Variants in HEMK2 observed in about 807,000 individuals in gnomAD.
HEMK2 encodes HemK methyltransferase 2, ETF1 glutamine and histone H4 lysine.
At chr21:28,876,407 A>G in the HEMK2 span, 23 of 1,610,794 alleles carry the variant, frequency 1.4e-5, no homozygotes, top group Non-Finnish European at 2.0e-5. Flanking sequence ...GAACTTGAGG[A>G]CTGAAAGAGT....
the HEMK2 span, among the ~76,000 whole-genome samples, chr21:28,733,007 T>C: frequency 6.6e-6 from 1 of 152,112 alleles, no homozygotes; most frequent in African/African-American, 2.4e-5. Flanking sequence ...TGACCAGGCG[T>C]GGTGGCTCAT....
the HEMK2 span, among the ~76,000 whole-genome samples, chr21:28,796,745 A>C: frequency 2.0e-5 from 3 of 151,734 alleles, no homozygotes; most frequent in Non-Finnish European, 2.9e-5. Context: ...TTATTAATTT[A>C]TTTTGTAGAA....
chr21:28,643,043 C>A, the HEMK2 span, among the ~76,000 whole-genome samples: 13 of 152,104 alleles, frequency 8.5e-5, no homozygotes, highest in African/African-American at 3.1e-4. Flanking sequence ...AAGCTTGGGC[C>A]TTGGCAGTGG....
At chr21:28,839,761 A>G in the HEMK2 span, among the ~76,000 whole-genome samples, 3 of 152,244 alleles carry the variant, frequency 2.0e-5, no homozygotes, top group Non-Finnish European at 4.4e-5. Context: ...ATGGATAGGC[A>G]GAATCAATAT....
chr21:28,874,721 C>A, the HEMK2 span: 1 of 152,228 alleles, frequency 6.6e-6, no homozygotes, highest in African/African-American at 2.4e-5. Flanking sequence ...AATATCTTCA[C>A]CCTTTTTGCC....
the HEMK2 span, among the ~76,000 whole-genome samples, chr21:28,633,879 A>G: frequency 6.6e-6 from 1 of 152,202 alleles, no homozygotes; most frequent in East Asian, 1.9e-4. Context: ...TCTCCACACC[A>G]GGAAAACGTT....
chr21:28,754,677 G>A, the HEMK2 span, among the ~76,000 whole-genome samples: 1 of 152,004 alleles, frequency 6.6e-6, no homozygotes, highest in Admixed American at 6.6e-5. Flanking sequence ...TGTAAACCAT[G>A]TAAGGCAATG....
chr21:28,743,739 A>G, the HEMK2 span, among the ~76,000 whole-genome samples: 1 of 152,186 alleles, frequency 6.6e-6, no homozygotes, highest in South Asian at 2.1e-4. Context: ...GAAGATGGTG[A>G]AAGTTGGATG....
At chr21:28,626,742 G>A in the HEMK2 span, 2 of 151,732 alleles carry the variant, frequency 1.3e-5, no homozygotes, top group African/African-American at 4.8e-5. Flanking sequence ...TTGAACAAGC[G>A]AAAAAAGAAA....
chr21:28,881,253 T>C, the HEMK2 span, among the ~76,000 whole-genome samples: 1 of 152,200 alleles, frequency 6.6e-6, no homozygotes, highest in Non-Finnish European at 1.5e-5. Flanking sequence ...CTACCTCCCA[T>C]CATTCTCAAT....
At chr21:28,729,253 C>T in the HEMK2 span, among the ~76,000 whole-genome samples, 8 of 152,186 alleles carry the variant, frequency 5.3e-5, no homozygotes, top group East Asian at 5.8e-4. Flanking sequence ...ATTCCTCCTA[C>T]GCTGGCTTTG....
At chr21:28,741,982 AAGAG>A in the HEMK2 span, among the ~76,000 whole-genome samples, 27 of 152,316 alleles carry the variant, frequency 1.8e-4, no homozygotes, top group Admixed American at 6.5e-4. Flanking sequence ...GAATCACCAC[AAGAG>A]AGAGCCTTCT....
chr21:28,864,872 T>TAGATG, the HEMK2 span, among the ~76,000 whole-genome samples: 1 of 76,340 alleles, frequency 1.3e-5, no homozygotes, highest in East Asian at 2.4e-4. Context: ...GATAGATGGA[T>TAGATG]GATAGGTAGA....
At chr21:28,826,695 G>A in the HEMK2 span, among the ~76,000 whole-genome samples, 7 of 152,254 alleles carry the variant, frequency 4.6e-5, no homozygotes, top group East Asian at 5.8e-4. Context: ...CACAAAATCC[G>A]AAAGCAAACA....
At chr21:28,737,615 G>T in the HEMK2 span, among the ~76,000 whole-genome samples, 812 of 151,464 alleles carry the variant, frequency 5.4e-3, 8 homozygotes, top group African/African-American at 0.019. Context: ...AAGAAGAAAA[G>T]ATGAGCTGCT....
the HEMK2 span, among the ~76,000 whole-genome samples, chr21:28,784,055 C>T: frequency 4.6e-5 from 7 of 152,212 alleles, no homozygotes; most frequent in Admixed American, 2.6e-4. Context: ...CGGTGGGCTC[C>T]TGTGTGGCCT....
At chr21:28,878,246 G>A in the HEMK2 span, 2 of 1,605,536 alleles carry the variant, frequency 1.2e-6, no homozygotes, top group Non-Finnish European at 1.7e-6. Flanking sequence ...GGTGAAAGGA[G>A]ATCTGGAACC....
At chr21:28,768,541 A>T in the HEMK2 span, among the ~76,000 whole-genome samples, 1 of 151,980 alleles carries the variant, frequency 6.6e-6, no homozygotes, top group African/African-American at 2.4e-5. Flanking sequence ...CTCAACTTTC[A>T]TCCAAGAAGT....
the HEMK2 span, among the ~76,000 whole-genome samples, chr21:28,775,800 G>C: frequency 3.9e-5 from 6 of 152,120 alleles, no homozygotes; most frequent in Admixed American, 2.0e-4. Context: ...TGGTGAGTGA[G>C]AGAGAAGAAA....
Sources: gnomAD v4.1 joint callset for allele counts (sites outside exome capture counted in the v4.1 genomes callset) on GRCh38, gnomAD v4.1.1 for gene constraint, MANE v1.5 for transcripts, NCBI Gene and HGNC (gene_info 2026-07-23, HGNC 2026-07-21) for gene names.